Variants in ALKBH6 observed in about 807,000 individuals in gnomAD.
ALKBH6 encodes the protein probable RNA/DNA demethylase ALKBH6.
ALKBH6 carries 20 observed loss-of-function variants against 25.1 expected under a neutral mutation model. The observed-to-expected ratio is 0.80, with a 90% confidence interval of 0.56 to 1.16. The LOEUF (loss-of-function observed/expected upper bound fraction) is 1.16, where lower values mean the gene tolerates loss of function less well. Among genes scored for constraint, ALKBH6 ranks in the 50% most tolerant of loss-of-function variants. ALKBH6 has a pLI of 0.00. For missense variants in ALKBH6, 263 were observed against 326.5 expected, an observed-to-expected ratio of 0.81 and a Z score of 1.50; for synonymous variants, 156 against 147.5, an observed-to-expected ratio of 1.06 and a Z score of -0.42.
chr19:36,011,409 T>C lies in ALKBH6; in HGVS notation c.179A>G (p.Asn60Ser). 6.2e-7 allele frequency: 1 copy of C among 1,613,036 alleles called. No individual in the cohort carries two copies. Among genetic ancestry groups the C allele is most frequent in the Non-Finnish European group, 8.5e-7 (1 of 1,179,914 alleles). ...CCCCAGCCAGGGATACTTACCCCAG[T>C]TCTGTAACTTTCTCCCAGAGAGCTG... ...WTQLSGRKLQ[N>S]WGGLPHPRGM... is the part of the protein sequence containing the mutation. The change falls in exon 4 of 7, where the codon AAC (asparagine) becomes AGC (serine). Residue 60 changes from asparagine (N) to serine (S), a missense_variant. Asn to Ser is a conservative substitution (Grantham distance 46). This residue lies in a region of ALKBH6 where 112 missense variants were observed against 153.0 expected (regional missense o/e 0.73). Transcript: ENST00000378875.
rs1968669547 is a variant in ALKBH6, at chr19:36,013,318, C to T, written c.54+26G>A. 6.2e-7 allele frequency: 1 copy of T among 1,613,828 alleles called. No individual in the cohort carries two copies. On this transcript the variant is annotated intron_variant, in intron 2 of 6. Transcript: ENST00000378875. The surrounding 1 kb of genome is among the most constrained non-coding windows in gnomAD (Gnocchi z 4.6). ...CTCAGGAATCAGCCTGCCTCCTTCA[C>T]CCTCTGCACCCTGAGTTCTGACAAC...
chr19:36,009,325 G>A lies in ALKBH6; in HGVS notation c.682C>T (p.Arg228Cys), dbSNP rs1968509593. Residue 228 changes from arginine (R) to cysteine (C), a missense_variant, in exon 7 of 7, where the codon CGC (arginine) becomes TGC (cysteine). This residue lies in a region of ALKBH6 where 148 missense variants were observed against 157.5 expected (regional missense o/e 0.94). Coordinates refer to ENST00000378875, the MANE Select transcript of ALKBH6 (RefSeq NM_032878.5). ...RVSLTIRRVP[R>C]VLRAGLLLGK ...AGCAGGAGGCCGGCGCGCAGCACGC[G>A]GGGCACGCGGCGGATGGTCAGCGAG... 4.4e-6 allele frequency: 6 copies of A among 1,357,098 alleles called. No individual in the cohort carries two copies. Among genetic ancestry groups the A allele is most frequent in the Admixed American group, 6.3e-5 (2 of 31,722 alleles). The allele number at this position is 1,357,098 out of a possible 1,614,324, so 84.1% of individuals were successfully genotyped here.
Position 36,010,705 on chromosome 19 carries a change from T to C in ALKBH6, c.337-22A>G. ...GGGGCTAGGGAGTGGGCACCAGGGC[T>C]GGGCAGGGCAGGAGTCCACAACCCC... On this transcript the variant is annotated intron_variant, in intron 5 of 6. Coordinates refer to ENST00000378875, the MANE Select transcript of ALKBH6 (RefSeq NM_032878.5). This position sits in a 1 kb window ranked among gnomAD's most constrained non-coding sequence, Gnocchi z 5.5. The C allele has an allele frequency of 6.2e-7, 1 of 1,608,770 alleles. No individual in the cohort carries two copies. Among genetic ancestry groups the C allele is most frequent in the Non-Finnish European group, 8.5e-7 (1 of 1,175,562 alleles).
chr19:36,011,319 CT>C, intron 4 of ALKBH6, 84 bp downstream of exon 4: 1 of 1,521,328 alleles, frequency 6.6e-7, no homozygotes, highest in East Asian at 2.3e-5. Flanking sequence ...CAGGGACCCT[CT>C]GATGTCTTAA....
intron 3 of ALKBH6, 117 bp downstream of exon 3, chr19:36,012,904 C>T (rs1968651386): frequency 1.0e-6 from 1 of 999,704 alleles, no homozygotes; most frequent in Non-Finnish European, 1.6e-6. Context: ...TCTGTAACTT[C>T]CTTGTTCCTT....
Position 36,009,414 on chromosome 19 carries a change from G to C in ALKBH6, c.593C>G (p.Pro198Arg). The C allele has an allele frequency of 8.0e-7, 1 of 1,246,086 alleles. No individual in the cohort carries two copies. Among genetic ancestry groups the C allele is most frequent in the Non-Finnish European group, 1.0e-6 (1 of 996,686 alleles). The allele number at this position is 1,246,086 out of a possible 1,614,324, so 77.2% of individuals were successfully genotyped here. Residue 198 changes from proline to arginine, a missense_variant, in exon 7 of 7, where the codon CCG becomes CGG. Transcript: ENST00000378875. ...RVDALDAASS[P>R]PNAAACPSAR... Reference sequence around the variant, plus strand: ...CGACGGGCAGGCTGCCGCATTGGGCGGCGAGGAGGCGGCGTCCAGCGCGTC... The same window carrying C: ...CGACGGGCAGGCTGCCGCATTGGGCCGCGAGGAGGCGGCGTCCAGCGCGTC...
At position 36,009,353 on chromosome 19, in the gene ALKBH6, C is replaced by A. The variant is rs1310406419; in HGVS notation, c.654G>T (p.Arg218=). The change falls in exon 7 of 7, where the codon CGG becomes CGT. Residue 218 remains arginine, a synonymous_variant. Coordinates refer to ENST00000378875, the MANE Select transcript of ALKBH6 (RefSeq NM_032878.5). ...RPGACLVRGT[R]VSLTIRRVPR... is the part of the protein sequence containing the mutation. ...GCACGCGGCGGATGGTCAGCGAGAC[C>A]CGGGTGCCGCGCACCAGGCAGGCTC... is the stretch of plus-strand genomic sequence containing the variant. 1 of 1,307,938 alleles carries A rather than the reference C, an allele frequency of 7.6e-7. No homozygotes were observed. The allele number at this position is 1,307,938 out of a possible 1,614,324, so 81.0% of individuals were successfully genotyped here.
Position 36,010,657 on chromosome 19 carries a change from G to T in ALKBH6, c.363C>A (p.Tyr121Ter), listed in dbSNP as rs1968578722. The part of the protein sequence containing the change: ...IMPHEDGPLY[Y>*]PTVSTISLGS... ...CCAGGCTGATGGTGCTGACAGTCGG[G>T]TAGTACAGTGGTCCGTCCTCGTGGG... The change falls in exon 6 of 7, where the codon TAC (tyrosine) becomes TAA (stop). Residue 121 changes from tyrosine to a stop codon, truncating the protein, a stop_gained. Transcript: ENST00000378875. LOFTEE classifies it high-confidence loss of function. This position sits in a 1 kb window ranked among gnomAD's most constrained non-coding sequence, Gnocchi z 5.5. 6.2e-7 allele frequency: 1 copy of T among 1,613,916 alleles called. No homozygotes were observed. The highest frequency in any genetic ancestry group is 8.5e-7 in the Non-Finnish European group (1 of 1,179,946).
Position 36,011,483 on chromosome 19 carries a change from G to T in ALKBH6, c.124-19C>A, listed in dbSNP as rs1193113762. Reference sequence around the variant, plus strand: ...TAAAAACCTAAGAGGTGGGAAGGGGGTCACTCCTTTCTCAGGATCACCCCT... The same window carrying T: ...TAAAAACCTAAGAGGTGGGAAGGGGTTCACTCCTTTCTCAGGATCACCCCT... On this transcript the variant is annotated intron_variant, in intron 3 of 6. Coordinates refer to ENST00000378875, the MANE Select transcript of ALKBH6 (RefSeq NM_032878.5). The T allele has an allele frequency of 1.9e-6, 3 of 1,613,486 alleles. No homozygotes were observed. The highest frequency in any genetic ancestry group is 1.1e-5 in the South Asian group (1 of 90,990).
chr19:36,013,824 A>G lies in ALKBH6; in HGVS notation c.-26+351T>C. The G allele has an allele frequency of 7.9e-7, 1 of 1,269,018 alleles. No homozygotes were observed. Among genetic ancestry groups the G allele is most frequent in the Non-Finnish European group, 9.9e-7 (1 of 1,006,040 alleles). The allele number at this position is 1,269,018 out of a possible 1,614,324, so 78.6% of individuals were successfully genotyped here. A position where few individuals can be genotyped will look rare whatever the true frequency, so the allele number is the denominator to read the frequency against. On this transcript the variant is annotated intron_variant, in intron 1 of 6. Transcript: ENST00000378875. This position sits in a 1 kb window ranked among gnomAD's most constrained non-coding sequence, Gnocchi z 4.6. Reference sequence around the variant, plus strand: ...CAGACCTGCAACTGTGAGCCCGGCTATCAACACTCAGCGACCCCCGCCCCC... The same window carrying G: ...CAGACCTGCAACTGTGAGCCCGGCTGTCAACACTCAGCGACCCCCGCCCCC...
At chr19:36,014,215 C>T (rs1323734034), upstream of ALKBH6, 1 of 1,612,904 alleles carries the variant, frequency 6.2e-7, no homozygotes, top group Non-Finnish European at 8.5e-7. Context: ...TTCAACATCC[C>T]CATCCCCCTC....
Position 36,013,873 on chromosome 19 carries a change from C to T in ALKBH6, c.-26+302G>A. On this transcript the variant is annotated intron_variant, in intron 1 of 6. Transcript: ENST00000378875. This position sits in a 1 kb window ranked among gnomAD's most constrained non-coding sequence, Gnocchi z 4.6. ...CCCACCGAATCCCATTCTGTGCACTCCTGTGACCCCAATCTGAGCCTCCTC... is the reference window on the plus strand; with the variant it reads ...CCCACCGAATCCCATTCTGTGCACTTCTGTGACCCCAATCTGAGCCTCCTC... The T allele has an allele frequency of 7.5e-7, 1 of 1,338,734 alleles. No homozygotes were observed. The highest frequency in any genetic ancestry group is 1.8e-5 in the South Asian group (1 of 56,628). 82.9% of individuals were successfully genotyped at this position (1,338,734 alleles called of 1,614,324 possible). A position where few individuals can be genotyped will look rare whatever the true frequency, so the allele number is the denominator to read the frequency against.
Position 36,013,428 on chromosome 19 carries a change from G to T in ALKBH6, c.-25-6C>A, listed in dbSNP as rs1373953894. Reference sequence around the variant, plus strand: ...CCAACTCCTTGCACCCAATCCTGTAGGGAGGGGAGGACATACTGAAGTCAC... The same window carrying T: ...CCAACTCCTTGCACCCAATCCTGTATGGAGGGGAGGACATACTGAAGTCAC... On this transcript the variant is annotated splice_polypyrimidine_tract_variant and splice_region_variant and intron_variant, in intron 1 of 6. Transcript: ENST00000378875. The surrounding 1 kb of genome is among the most constrained non-coding windows in gnomAD (Gnocchi z 4.6). 1.2e-6 allele frequency: 2 copies of T among 1,613,530 alleles called. No individual in the cohort carries two copies. Among genetic ancestry groups the T allele is most frequent in the Non-Finnish European group, 1.7e-6 (2 of 1,179,740 alleles).
In ALKBH6 at chr19:36,013,831, C is replaced by G; in HGVS notation, c.-26+344G>C. 1 of 1,296,684 alleles carries G rather than the reference C, an allele frequency of 7.7e-7. No homozygotes were observed. The highest frequency in any genetic ancestry group is 9.8e-7 in the Non-Finnish European group (1 of 1,023,142). 80.3% of individuals were successfully genotyped at this position (1,296,684 alleles called of 1,614,324 possible). On this transcript the variant is annotated intron_variant, in intron 1 of 6. Transcript: ENST00000378875. This position sits in a 1 kb window ranked among gnomAD's most constrained non-coding sequence, Gnocchi z 4.6. ...GCAACTGTGAGCCCGGCTATCAACACTCAGCGACCCCCGCCCCCCACCGAA... is the reference window on the plus strand; with the variant it reads ...GCAACTGTGAGCCCGGCTATCAACAGTCAGCGACCCCCGCCCCCCACCGAA...
rs528239670 is a variant in ALKBH6 at position 36,013,528 on chromosome 19, G to A, written c.-25-106C>T. The stretch of plus-strand genomic sequence containing the variant: ...CCAGGCCTCACCTCAGCCCTCTTCT[G>A]AAACGCACTTGGTCTCTAAAATCTG... On this transcript the variant is annotated intron_variant, in intron 1 of 6. Coordinates refer to ENST00000378875, the MANE Select transcript of ALKBH6 (RefSeq NM_032878.5). This position sits in a 1 kb window ranked among gnomAD's most constrained non-coding sequence, Gnocchi z 4.6. 26 of 1,524,390 alleles carry A rather than the reference G, an allele frequency of 1.7e-5. No homozygotes were observed. In the East Asian group the frequency reaches 6.0e-4, roughly 35 times the overall value. 94.4% of individuals were successfully genotyped at this position (1,524,390 alleles called of 1,614,324 possible). A position where few individuals can be genotyped will look rare whatever the true frequency, so the allele number is the denominator to read the frequency against.
Position 36,010,881 on chromosome 19 carries a change from G to T in ALKBH6, c.336+13C>A, listed in dbSNP as rs763617913. The T allele has an allele frequency of 6.2e-7, 1 of 1,613,586 alleles. No individual in the cohort carries two copies. The highest frequency in any genetic ancestry group is 8.5e-7 in the Non-Finnish European group (1 of 1,179,848). On this transcript the variant is annotated intron_variant, in intron 5 of 6. Transcript: ENST00000378875. This position sits in a 1 kb window ranked among gnomAD's most constrained non-coding sequence, Gnocchi z 5.5. ...TCTGAGTGGGGGGACACGGGCCGAG[G>T]GTGTGTGGTTACCATGATGCCCTCC...
chr19:36,012,889 T>G, intron 3 of ALKBH6, 132 bp downstream of exon 3: 2 of 861,354 alleles, frequency 2.3e-6, no homozygotes. Context: ...AGAGGGAGTA[T>G]GAGCTCTGTA....
chr19:36,013,691 C>T lies in ALKBH6; in HGVS notation c.-25-269G>A, dbSNP rs1968688704. 9 of 1,323,988 alleles carry T rather than the reference C, an allele frequency of 6.8e-6. No homozygotes were observed. The highest frequency in any genetic ancestry group is 8.7e-6 in the Non-Finnish European group (9 of 1,034,194). 82.0% of individuals were successfully genotyped at this position (1,323,988 alleles called of 1,614,324 possible). Reference sequence around the variant, plus strand: ...CACATATGCCTTCTCAATCCTCCCACAGAGAACATTCTCTGGCCCCACACA... The same window carrying T: ...CACATATGCCTTCTCAATCCTCCCATAGAGAACATTCTCTGGCCCCACACA... On this transcript the variant is annotated intron_variant, in intron 1 of 6. Transcript: ENST00000378875. This position sits in a 1 kb window ranked among gnomAD's most constrained non-coding sequence, Gnocchi z 4.6.
At position 36,009,347 on chromosome 19, in the gene ALKBH6, C is replaced by A; in HGVS notation, c.660G>T (p.Ser220=). The A allele has an allele frequency of 7.5e-7, 1 of 1,331,166 alleles. No individual in the cohort carries two copies. Among genetic ancestry groups the A allele is most frequent in the Non-Finnish European group, 9.6e-7 (1 of 1,039,210 alleles). 82.5% of individuals were successfully genotyped at this position (1,331,166 alleles called of 1,614,324 possible). A position where few individuals can be genotyped will look rare whatever the true frequency, so the allele number is the denominator to read the frequency against. ...GACLVRGTRV[S]LTIRRVPRVL... ...CGCGGGGCACGCGGCGGATGGTCAG[C>A]GAGACCCGGGTGCCGCGCACCAGGC... The change falls in exon 7 of 7, where the codon TCG becomes TCT. Residue 220 remains serine, a synonymous_variant. Transcript: ENST00000378875.
Sources: allele counts gnomAD v4.1 joint callset, GRCh38; gene constraint gnomAD v4.1.1; regional missense constraint gnomAD v4.1.1; non-coding constraint Gnocchi (gnomAD v3.1); transcripts MANE v1.5; gene names NCBI Gene and HGNC (gene_info 2026-07-23, HGNC 2026-07-21).